Variants in RB1CC1 observed in about 807,000 individuals in gnomAD.
RB1CC1 encodes RB1-inducible coiled-coil protein 1.
In RB1CC1, 46 loss-of-function variants were observed where a neutral mutation model predicts 177.5. That is an observed-to-expected ratio of 0.26 (90% confidence interval 0.20 to 0.33). The LOEUF (loss-of-function observed/expected upper bound fraction) is 0.33, where lower values mean the gene tolerates loss of function less well. Ranked by LOEUF, RB1CC1 falls within the 10% of genes least tolerant of loss-of-function variation. RB1CC1 has a pLI of 1.00. For missense variants in RB1CC1, 1,703 were observed against 1,816.3 expected (o/e 0.94, Z 1.13); for synonymous variants, 666 against 613.6 (o/e 1.09, Z -1.26).
At chr8:52,648,956 C>G (rs1442133336) in intron 15 of RB1CC1, among the ~76,000 whole-genome samples, 2 of 152,144 alleles carry the variant, frequency 1.3e-5, no homozygotes, top group Admixed American at 6.5e-5. Flanking sequence ...ACTGATAACC[C>G]AGATGGCTAA....
Position 52,634,978 on chromosome 8 carries a change from GA to G in RB1CC1, c.4393-11del. 2 of 1,600,620 alleles carry G rather than the reference GA, an allele frequency of 1.2e-6. No homozygotes were observed. The highest frequency in any genetic ancestry group is 1.7e-5 in the Admixed American group (1 of 58,088). On this transcript the variant is annotated splice_polypyrimidine_tract_variant and intron_variant, in intron 19 of 23. Transcript: ENST00000025008. ...CTTTCAATTGCAATGTCTGCAGGTG[GA>G]AAAAAGAGACCTGTGGTTTATCCTT...
chr8:52,682,846 T>C lies in RB1CC1; in HGVS notation c.369+703A>G, dbSNP rs1853883123. Among the ~76,000 whole-genome samples the C allele has an allele frequency of 2.6e-5, 4 of 152,210 alleles. No homozygotes were observed. In the South Asian group the frequency reaches 6.2e-4, roughly 24 times the overall value. ...CACAGATGAGGTTATTTCCTTTTAA[T>C]GTTGTATCCTATGTGAAAAATGGGG... On this transcript the variant is annotated intron_variant, in intron 5 of 23. Coordinates refer to ENST00000025008, the MANE Select transcript of RB1CC1 (RefSeq NM_014781.5).
Position 52,623,273 on chromosome 8 carries a change from C to T in RB1CC1, c.*509G>A, listed in dbSNP as rs1278297341. ...CAATTTGCTTTAGTATCTACTGAGG[C>T]AAACTCAAAATGATTATCAGCATGC... On this transcript the variant is annotated 3_prime_UTR_variant, in exon 24 of 24. Coordinates refer to ENST00000025008, the MANE Select transcript of RB1CC1 (RefSeq NM_014781.5). 1 of 161,432 alleles carries T rather than the reference C, an allele frequency of 6.2e-6. No homozygotes were observed. The allele number at this position is 161,432 out of a possible 1,614,324, so 10.0% of individuals were successfully genotyped here.
intron 15 of RB1CC1, among the ~76,000 whole-genome samples, chr8:52,648,578 T>C (rs1375515196): frequency 6.6e-6 from 1 of 152,164 alleles, no homozygotes; most frequent in African/African-American, 2.4e-5. Context: ...AAAAATACAG[T>C]AGTCCCCCTT....
chr8:52,697,444 T>G (rs1464011278), intron 1 of RB1CC1, among the ~76,000 whole-genome samples: 1 of 152,226 alleles, frequency 6.6e-6, no homozygotes, highest in Non-Finnish European at 1.5e-5. Flanking sequence ...TGTGCAAATC[T>G]AAATACGGAC....
At chr8:52,674,994 A>G (rs574223839) in intron 6 of RB1CC1, among the ~76,000 whole-genome samples, 2 of 152,184 alleles carry the variant, frequency 1.3e-5, no homozygotes, top group South Asian at 4.1e-4. Flanking sequence ...TCTTGTACTC[A>G]TAACACCCTG....
At chr8:52,644,343 G>C (rs1051463026) in intron 16 of RB1CC1, among the ~76,000 whole-genome samples, 1 of 152,100 alleles carries the variant, frequency 6.6e-6, no homozygotes, top group Non-Finnish European at 1.5e-5. Context: ...ATCAAAACAT[G>C]AAGAAGTAAA....
intron 7 of RB1CC1, among the ~76,000 whole-genome samples, chr8:52,670,596 T>C (rs1377907001): frequency 1.3e-5 from 2 of 152,228 alleles, no homozygotes; most frequent in African/African-American, 4.8e-5. Context: ...ACCTGGACAG[T>C]TTAGAAATGT....
intron 22 of RB1CC1, among the ~76,000 whole-genome samples, chr8:52,626,446 G>A (rs2150367647): frequency 1.3e-5 from 2 of 151,772 alleles, no homozygotes; most frequent in Middle Eastern, 6.8e-3. Context: ...ACGGTTCTGG[G>A]GGAAAAAAGT....
intron 15 of RB1CC1, among the ~76,000 whole-genome samples, chr8:52,652,101 T>TA (rs1266839306): frequency 6.6e-6 from 1 of 152,148 alleles, no homozygotes; most frequent in Non-Finnish European, 1.5e-5. Flanking sequence ...AATCAAAACT[T>TA]AAGAGATTTG....
chr8:52,667,842 G>A (rs1426651984), intron 8 of RB1CC1, among the ~76,000 whole-genome samples, 179 bp downstream of exon 8: 1 of 151,980 alleles, frequency 6.6e-6, no homozygotes, highest in Non-Finnish European at 1.5e-5. Flanking sequence ...TTTATCTATA[G>A]GAAACTCAAT....
intron 3 of RB1CC1, among the ~76,000 whole-genome samples, chr8:52,684,748 T>C (rs963074963): frequency 6.6e-6 from 1 of 152,184 alleles, no homozygotes; most frequent in Non-Finnish European, 1.5e-5. Context: ...TTTATGAAGC[T>C]TCCGATAATT....
At chr8:52,659,023 AACAG>A (rs1206353315) in intron 12 of RB1CC1, 47 bp from the exon 13 acceptor site, 3 of 990,452 alleles carry the variant, frequency 3.0e-6, no homozygotes, top group Admixed American at 2.8e-5. Context: ...TTCAACCAAA[AACAG>A]ACAGCAAATT....
chr8:52,641,510 T>C (rs533780815), intron 18 of RB1CC1, among the ~76,000 whole-genome samples: 4 of 152,222 alleles, frequency 2.6e-5, no homozygotes, highest in African/African-American at 7.2e-5. Flanking sequence ...AAATAAGGGA[T>C]GATGACTTGC....
intron 5 of RB1CC1, among the ~76,000 whole-genome samples, chr8:52,682,208 T>A (rs1853816636): frequency 6.6e-6 from 1 of 152,162 alleles, no homozygotes; most frequent in African/African-American, 2.4e-5. Context: ...AGGAGATGAT[T>A]TTGGAGCTTC....
chr8:52,666,727 T>C (rs1297825574), intron 8 of RB1CC1, among the ~76,000 whole-genome samples: 1 of 151,040 alleles, frequency 6.6e-6, no homozygotes, highest in African/African-American at 2.4e-5. Flanking sequence ...AGCTGAAAAA[T>C]GAACAAAATT....
intron 18 of RB1CC1, among the ~76,000 whole-genome samples, chr8:52,638,795 T>C (rs1043702366): frequency 6.6e-6 from 1 of 152,088 alleles, no homozygotes; most frequent in African/African-American, 2.4e-5. Flanking sequence ...CTCTCACCAA[T>C]AGATCAACAA....
intron 15 of RB1CC1, among the ~76,000 whole-genome samples, chr8:52,647,449 A>C (rs1367845967): frequency 2.0e-5 from 3 of 152,072 alleles, no homozygotes; most frequent in Non-Finnish European, 2.9e-5. Context: ...GAAGAGGGGG[A>C]TGTGCAAGTT....
intron 7 of RB1CC1, among the ~76,000 whole-genome samples, chr8:52,673,030 T>C (rs930141359): frequency 6.6e-6 from 1 of 152,228 alleles, no homozygotes; most frequent in Non-Finnish European, 1.5e-5. Flanking sequence ...CATTTTACTA[T>C]ATCCTATAAC....
Sources: gnomAD v4.1 joint callset for allele counts (sites outside exome capture counted in the v4.1 genomes callset) on GRCh38, gnomAD v4.1.1 for gene constraint, MANE v1.5 for transcripts, NCBI Gene and HGNC (gene_info 2026-07-23, HGNC 2026-07-21) for gene names.